Variants in RRP12 observed in about 807,000 individuals in gnomAD.
RRP12 encodes ribosomal RNA processing 12 homolog, also known as RRP12-like protein.
RRP12 carries 78 observed loss-of-function variants against 157.3 expected under a neutral mutation model. The observed-to-expected ratio is 0.50, with a 90% CI of 0.41 to 0.60. The LOEUF is 0.60. Ranked by LOEUF, RRP12 falls within the 20% of genes least tolerant of loss-of-function variation. The pLI is 0.00. For synonymous variants in RRP12, 726 were observed against 670.9 expected (o/e 1.08, Z -1.27); for missense variants, 1,521 against 1,679.9 (o/e 0.91, Z 1.65).
intron 29 of RRP12, among the ~76,000 whole-genome samples, chr10:97,364,603 G>A (rs772145449): frequency 1.3e-5 from 2 of 152,224 alleles, no homozygotes; most frequent in East Asian, 1.9e-4. Flanking sequence ...TGTAGTCCCC[G>A]ATACTTGGGA....
chr10:97,357,222 C>CA, intron 33 of RRP12, 26 bp from the exon 34 acceptor site: 1 of 1,473,126 alleles, frequency 6.8e-7, no homozygotes, highest in Non-Finnish European at 9.4e-7. Flanking sequence ...ACGGAAGGGT[C>CA]ACATCTGGCT....
At chr10:97,364,467 C>T (rs150879770) in intron 29 of RRP12, among the ~76,000 whole-genome samples, 2,354 of 152,266 alleles carry the variant, frequency 0.015, 24 homozygotes, top group Non-Finnish European at 0.026. Context: ...ACCTGTAATC[C>T]CAGCACTCTG....
intron 6 of RRP12, among the ~76,000 whole-genome samples, chr10:97,389,127 G>A (rs1312615852): frequency 6.6e-6 from 1 of 152,144 alleles, no homozygotes; most frequent in East Asian, 1.9e-4. Context: ...ACAGAGTCTT[G>A]CTCTGTAGCC....
At chr10:97,389,491 C>T (rs999814184) in intron 6 of RRP12, among the ~76,000 whole-genome samples, 1 of 152,050 alleles carries the variant, frequency 6.6e-6, no homozygotes, top group African/African-American at 2.4e-5. Flanking sequence ...CATGTGAGCA[C>T]CGAGGGAAGG....
chr10:97,365,396 C>T (rs1293284402), intron 29 of RRP12, among the ~76,000 whole-genome samples: 1 of 151,690 alleles, frequency 6.6e-6, no homozygotes, highest in African/African-American at 2.4e-5. Flanking sequence ...GCCTCAGCCT[C>T]CCGAGTAGCT....
At chr10:97,373,440 A>T (rs1456527086) in intron 17 of RRP12, 135 bp downstream of exon 17, 14 of 1,103,578 alleles carry the variant, frequency 1.3e-5, no homozygotes, top group Non-Finnish European at 1.8e-5. Context: ...TGGGGTCTGC[A>T]GCAGAAGCAG....
chr10:97,373,203 G>C lies in RRP12; in HGVS notation c.2027-3C>G. 6.2e-7 allele frequency: 1 copy of C among 1,613,858 alleles called. No individual in the cohort carries two copies. The highest frequency in any genetic ancestry group is 8.5e-7 in the Non-Finnish European group (1 of 1,179,858). ...ACTCACTTCAGCACGGTCAGCCTCT[G>C]GTAAAAGGATCAAAGTTTGCACTAA... On this transcript the variant is annotated splice_region_variant and splice_polypyrimidine_tract_variant and intron_variant, in intron 17 of 33. Coordinates refer to ENST00000370992, the MANE Select transcript of RRP12 (RefSeq NM_015179.4).
In RRP12 at chr10:97,373,029, T is replaced by C; in HGVS notation, c.2181+17A>G. On this transcript the variant is annotated intron_variant, in intron 18 of 33. Coordinates refer to ENST00000370992, the MANE Select transcript of RRP12 (RefSeq NM_015179.4). ...AGAGCTCCCCTCCTCCCTCCTTCCC[T>C]CCCTTCCGTGGCTCACCTGAGTGTC... 1 of 1,599,840 alleles carries C rather than the reference T, an allele frequency of 6.3e-7. No individual in the cohort carries two copies. The highest frequency in any genetic ancestry group is 8.5e-7 in the Non-Finnish European group (1 of 1,170,682).
chr10:97,360,560 G>T lies in RRP12; in HGVS notation c.3626C>A (p.Pro1209His). 6.2e-7 allele frequency: 1 copy of T among 1,613,464 alleles called. No individual in the cohort carries two copies. Among genetic ancestry groups the T allele is most frequent in the African/African-American group, 1.3e-5 (1 of 75,002 alleles). Residue 1209 changes from proline to histidine, a missense_variant, in exon 31 of 34, where the codon CCC becomes CAC. By Grantham distance (77) the Pro-to-His change is moderately conservative. Coordinates refer to ENST00000370992, the MANE Select transcript of RRP12 (RefSeq NM_015179.4). The stretch of plus-strand genomic sequence containing the variant: ...GGAAGCCTCACCTTGGTACTGAGGG[G>T]GTATCTCCAGCTCCTCCTCCTCAGC... ...KEAEEEELEI[P>H]PQYQAGGSGI...
rs866074269 is a variant in RRP12 at position 97,388,295 on chromosome 10, C to T, written c.974G>A (p.Ser325Asn). Reference sequence around the variant, plus strand: ...GACCCTGAGGAGAGTCTCACTGCAGCTCTTCACCAGGCCTTCCGGGAAGCA... The same window carrying T: ...GACCCTGAGGAGAGTCTCACTGCAGTTCTTCACCAGGCCTTCCGGGAAGCA... ...LPCFPEGLVK[S>N]CSETLLRVMT... The change falls in exon 8 of 34, where the codon AGC (serine) becomes AAC (asparagine). Residue 325 changes from serine to asparagine, a missense_variant. Ser to Asn is a conservative substitution (Grantham distance 46). Transcript: ENST00000370992. 2 of 1,613,966 alleles carry T rather than the reference C, an allele frequency of 1.2e-6. No individual in the cohort carries two copies. The highest frequency in any genetic ancestry group is 2.2e-5 in the East Asian group (1 of 44,888).
At chr10:97,386,045 C>T (rs1844623161) in intron 8 of RRP12, 52 bp from the exon 9 acceptor site, 1 of 1,247,110 alleles carries the variant, frequency 8.0e-7, no homozygotes, top group Non-Finnish European at 1.1e-6. Flanking sequence ...CACGGCTGGC[C>T]CTGGACCCCT....
chr10:97,381,334 A>G, intron 12 of RRP12, 52 bp downstream of exon 12: 8 of 1,342,516 alleles, frequency 6.0e-6, no homozygotes, highest in South Asian at 1.3e-5. Context: ...ATTATATAGA[A>G]CTTTCCTCAA....
At chr10:97,393,205 G>T in intron 4 of RRP12, 1 of 438,320 alleles carries the variant, frequency 2.3e-6, no homozygotes, top group South Asian at 1.6e-5. Context: ...AGAGCTTTCT[G>T]ACTCTGCTTT....
At chr10:97,377,923 C>T (rs1844355664) in intron 15 of RRP12, among the ~76,000 whole-genome samples, 1 of 151,768 alleles carries the variant, frequency 6.6e-6, no homozygotes, top group Non-Finnish European at 1.5e-5. Flanking sequence ...AGCAATGCTG[C>T]CCTACATCCT....
At chr10:97,363,980 G>T in intron 29 of RRP12, 77 bp from the exon 30 acceptor site, 1 of 1,341,102 alleles carries the variant, frequency 7.5e-7, no homozygotes, top group Non-Finnish European at 1.1e-6. Context: ...CCCCCTCCTG[G>T]CTCACCAGGC....
At chr10:97,390,133 T>C (rs554322800) in intron 6 of RRP12, among the ~76,000 whole-genome samples, 7 of 152,274 alleles carry the variant, frequency 4.6e-5, no homozygotes, top group Admixed American at 3.9e-4. Context: ...CCCCCAACTA[T>C]GCCACCCTCC....
At chr10:97,379,536 GAC>G (rs1844404580) in intron 14 of RRP12, 90 bp downstream of exon 14, 1 of 1,591,526 alleles carries the variant, frequency 6.3e-7, no homozygotes. Flanking sequence ...GCCCTGCACT[GAC>G]ACAGACTTTA....
In RRP12 at chr10:97,370,922, C is replaced by A. The variant is rs1202707090; in HGVS notation, c.2502+1G>T. On this transcript the variant is annotated splice_donor_variant, in intron 21 of 33. Transcript: ENST00000370992. LOFTEE classifies it high-confidence loss of function. ...AGAGCGGGTGGCCCTAGAGCCCTCA[C>A]CCTCTTGGCGGGTGAGGAGGTGCTC... is the stretch of plus-strand genomic sequence containing the variant. 6.2e-7 allele frequency: 1 copy of A among 1,614,034 alleles called. No individual in the cohort carries two copies.
At position 97,401,331 on chromosome 10, in the gene RRP12, CTCT is replaced by C. The variant is rs1176925077; in HGVS notation, c.-103_-101del. ...GTGGATACCCTGTAGCCTTCACTTC[CTCT>C]TCTTCTGGCGTCACTTCCGGATTCG... On this transcript the variant is annotated 5_prime_UTR_variant, in exon 1 of 34. Transcript: ENST00000370992. 1.4e-6 allele frequency: 2 copies of C among 1,452,028 alleles called. No homozygotes were observed. The highest frequency in any genetic ancestry group is 1.9e-6 in the Non-Finnish European group (2 of 1,056,912). The allele number at this position is 1,452,028 out of a possible 1,614,324, so 89.9% of individuals were successfully genotyped here. A position where few individuals can be genotyped will look rare whatever the true frequency, so the allele number is the denominator to read the frequency against.
Sources: gnomAD v4.1 joint callset for allele counts (sites outside exome capture counted in the v4.1 genomes callset) on GRCh38, gnomAD v4.1.1 for gene constraint, MANE v1.5 for transcripts, NCBI Gene and HGNC (gene_info 2026-07-23, HGNC 2026-07-21) for gene names.